TTC39B: variants seen among roughly 807,000 people sequenced by gnomAD.
TTC39B encodes the protein tetratricopeptide repeat domain 39B.
In TTC39B, 92 loss-of-function variants were observed where a neutral mutation model predicts 96.6. The ratio of observed to expected loss-of-function variants is 0.95; its 90% CI spans 0.80 to 1.13. The LOEUF (loss-of-function observed/expected upper bound fraction) is 1.13. TTC39B is among the 50% of genes most tolerant of loss of function. TTC39B has a pLI of 0.00. For missense variants in TTC39B, 955 were observed against 809.3 expected, an observed-to-expected ratio of 1.18 and a Z score of -2.18; for synonymous variants, 367 against 299.4, an observed-to-expected ratio of 1.23 and a Z score of -2.33.
At chr9:15,290,065 T>C (rs1824127290) in intron 1 of TTC39B, among the ~76,000 whole-genome samples, 1 of 152,222 alleles carries the variant, frequency 6.6e-6, no homozygotes, top group African/African-American at 2.4e-5. Flanking sequence ...CTCATTTTTA[T>C]TTCTGTCTGG....
intron 1 of TTC39B, among the ~76,000 whole-genome samples, chr9:15,302,673 G>C (rs756899566): frequency 6.6e-6 from 1 of 150,620 alleles, no homozygotes; most frequent in African/African-American, 2.4e-5. Context: ...CTGAAACTCT[G>C]TTTCTACTAA....
At chr9:15,289,685 T>C (rs565033001) in intron 1 of TTC39B, among the ~76,000 whole-genome samples, 1 of 152,228 alleles carries the variant, frequency 6.6e-6, no homozygotes, top group Non-Finnish European at 1.5e-5. Context: ...TTTTTTTTTA[T>C]TCTTTGTCCT....
At chr9:15,224,972 G>C (rs2131400680) in intron 3 of TTC39B, among the ~76,000 whole-genome samples, 1 of 152,222 alleles carries the variant, frequency 6.6e-6, no homozygotes, top group Non-Finnish European at 1.5e-5. Flanking sequence ...AAAATGCTAA[G>C]TAAAGGATCT....
chr9:15,289,341 C>T (rs1488684676), intron 1 of TTC39B, among the ~76,000 whole-genome samples: 4 of 152,196 alleles, frequency 2.6e-5, no homozygotes, highest in African/African-American at 9.7e-5. Flanking sequence ...AAACTCTAGT[C>T]ATATGAATGT....
At chr9:15,215,906 T>C (rs1389725058) in intron 3 of TTC39B, among the ~76,000 whole-genome samples, 1 of 152,128 alleles carries the variant, frequency 6.6e-6, no homozygotes. Context: ...TAAAAATAAA[T>C]AAACTTGGTA....
intron 3 of TTC39B, among the ~76,000 whole-genome samples, chr9:15,215,489 G>A (rs1049961965): frequency 6.6e-6 from 1 of 151,326 alleles, no homozygotes; most frequent in African/African-American, 2.4e-5. Context: ...CCCAGGAGGT[G>A]GAGGTTGCAA....
At chr9:15,179,583 T>C (rs1818139469) in intron 17 of TTC39B, among the ~76,000 whole-genome samples, 1 of 152,246 alleles carries the variant, frequency 6.6e-6, no homozygotes, top group African/African-American at 2.4e-5. Flanking sequence ...TAAAATTCTA[T>C]CCATTGCTTT....
Position 15,256,747 on chromosome 9 carries a change from G to A in TTC39B, c.275+11167C>T, listed in dbSNP as rs367967642. Among the ~76,000 whole-genome samples the A allele has an allele frequency of 6.6e-5, 10 of 152,250 alleles. No homozygotes were observed. The East Asian group carries it at 9.6e-4, about 15-fold the overall frequency. The stretch of plus-strand genomic sequence containing the variant: ...CCCTCAAAAGAGTGAGGGCAAACAC[G>A]CTCCAATCCGGAGCAGCACAGGGTT... On this transcript the variant is annotated intron_variant, in intron 2 of 19. Transcript: ENST00000512701.
intron 8 of TTC39B, among the ~76,000 whole-genome samples, chr9:15,198,869 T>A (rs1300351264): frequency 2.0e-5 from 3 of 152,150 alleles, no homozygotes; most frequent in African/African-American, 7.2e-5. Flanking sequence ...ATGCAAAGAC[T>A]AATTATAAAA....
intron 17 of TTC39B, 53 bp from the exon 18 acceptor site, chr9:15,177,867 A>C: frequency 2.1e-6 from 2 of 951,120 alleles, no homozygotes; most frequent in Admixed American, 2.6e-5. Context: ...ACTTTTTAAG[A>C]TCTTTTTTTT....
At chr9:15,294,597 T>C (rs1824305206) in intron 1 of TTC39B, among the ~76,000 whole-genome samples, 1 of 152,216 alleles carries the variant, frequency 6.6e-6, no homozygotes, top group Non-Finnish European at 1.5e-5. Flanking sequence ...CCCTGTTTAC[T>C]GCTCTCTTTT....
chr9:15,210,284 T>C, intron 5 of TTC39B, 120 bp from the exon 6 acceptor site: 1 of 657,470 alleles, frequency 1.5e-6, no homozygotes, highest in Admixed American at 3.0e-5. Flanking sequence ...GCTGAAACTC[T>C]AAACCCTGAA....
intron 2 of TTC39B, among the ~76,000 whole-genome samples, chr9:15,245,106 C>G (rs1287047439): frequency 1.3e-5 from 2 of 152,192 alleles, no homozygotes; most frequent in Non-Finnish European, 2.9e-5. Context: ...CTATCTGTTT[C>G]TTAATCCAGA....
intron 3 of TTC39B, among the ~76,000 whole-genome samples, chr9:15,216,567 A>T (rs1261383534): frequency 2.0e-5 from 3 of 152,196 alleles, no homozygotes; most frequent in Non-Finnish European, 4.4e-5. Flanking sequence ...ACAGTCCATC[A>T]CGAAATTTTG....
intron 1 of TTC39B, among the ~76,000 whole-genome samples, chr9:15,302,911 T>C (rs2131625093): frequency 6.6e-6 from 1 of 152,236 alleles, no homozygotes; most frequent in South Asian, 2.1e-4. Flanking sequence ...GGCTCATGCC[T>C]GTAATCCCAG....
At chr9:15,227,935 A>C (rs1018890336) in intron 2 of TTC39B, among the ~76,000 whole-genome samples, 1 of 152,208 alleles carries the variant, frequency 6.6e-6, no homozygotes, top group Non-Finnish European at 1.5e-5. Flanking sequence ...AAGATTATAT[A>C]ACATAGTTTT....
At chr9:15,188,018 C>T in exon 14 of TTC39B, 2 of 1,612,584 alleles carry the variant, frequency 1.2e-6, no homozygotes, top group Non-Finnish European at 1.7e-6. Flanking sequence ...TAGTAATATG[C>T]CTGCATCCAG....
chr9:15,204,750 T>C (rs1218135376), intron 6 of TTC39B, among the ~76,000 whole-genome samples: 3 of 152,058 alleles, frequency 2.0e-5, no homozygotes, highest in East Asian at 1.9e-4. Flanking sequence ...AGACCTGATA[T>C]AGAAAGAGGT....
chr9:15,225,913 T>C lies in TTC39B; in HGVS notation c.371+4A>G, dbSNP rs770273709. ...CCCCAGGAATGCCCACAACCCTTCC[T>C]GACCTGCTGACAGTAGACGCTCCGC... On this transcript the variant is annotated splice_donor_region_variant and intron_variant, in intron 3 of 19. Transcript: ENST00000512701. 7.4e-6 allele frequency: 12 copies of C among 1,613,258 alleles called. No homozygotes were observed. Among genetic ancestry groups the C allele is most frequent in the Non-Finnish European group, 1.0e-5 (12 of 1,179,500 alleles).
Sources: gnomAD v4.1 joint callset for allele counts (sites outside exome capture counted in the v4.1 genomes callset) on GRCh38, gnomAD v4.1.1 for gene constraint, MANE v1.5 for transcripts, NCBI Gene and HGNC (gene_info 2026-07-23, HGNC 2026-07-21) for gene names.